The following PBLD variants were observed in gnomAD, a reference collection of about 807,000 sequenced individuals.
PBLD encodes phenazine biosynthesis-like domain-containing protein.
PBLD carries 26 observed loss-of-function variants against 31.3 expected under a neutral mutation model. The ratio of observed to expected loss-of-function variants is 0.83; its 90% confidence interval spans 0.61 to 1.15. PBLD has a LOEUF of 1.15. Ranked by LOEUF, PBLD falls within the 50% of genes most tolerant of loss-of-function variation. PBLD has a pLI of 0.00. For missense variants in PBLD, 307 were observed against 351.7 expected, an observed-to-expected ratio of 0.87 and a Z score of 1.02; for synonymous variants, 114 against 129.0, an observed-to-expected ratio of 0.88 and a Z score of 0.79.
In PBLD at chr10:68,296,950, C is replaced by T; in HGVS notation, c.120G>A (p.Arg40=). ...AAGCAGTTTCAGAGAGGTTCATCTC[C>T]CTTGCAATTTTCTGATGCATGTCTT... The part of the protein sequence containing the change: ...LDEDMHQKIA[R]EMNLSETAFI... Residue 40 remains arginine, a synonymous_variant, in exon 3 of 10, where the codon AGG becomes AGA. Coordinates refer to ENST00000358769, the MANE Select transcript of PBLD (RefSeq NM_022129.4). 1.2e-6 allele frequency: 2 copies of T among 1,613,916 alleles called. No individual in the cohort carries two copies. Among genetic ancestry groups the T allele is most frequent in the Admixed American group, 1.7e-5 (1 of 60,010 alleles).
rs1026726653 is a variant in PBLD at position 68,312,129 on chromosome 10, G to A, written c.-59-5226C>T. 3.3e-5 allele frequency among the ~76,000 whole-genome samples: 5 copies of A among 152,266 alleles called. No homozygotes were observed. In the South Asian group the frequency reaches 1.0e-3, roughly 32 times the overall value. On this transcript the variant is annotated intron_variant, in intron 1 of 9. Coordinates refer to ENST00000358769, the MANE Select transcript of PBLD (RefSeq NM_022129.4). ...ACAGTTAGGTTGATTCCACATCTTG[G>A]CTATTGTGAATATTGCTGCAATAAA...
chr10:68,292,170 C>CG lies in PBLD; in HGVS notation c.351_352insC (p.Gly118ArgfsTer18). On this transcript the variant is annotated frameshift_variant, in exon 5 of 10. Coordinates refer to ENST00000358769, the MANE Select transcript of PBLD (RefSeq NM_022129.4). LOFTEE classifies it high-confidence loss of function. ...TAAAGAGGCAAGTCCAGGACGATGC[C>CG]ATCCTCTGCTCGTCTGGCCCTTAGT... The CG allele has an allele frequency of 6.2e-7, 1 of 1,613,912 alleles. No individual in the cohort carries two copies. Among genetic ancestry groups the CG allele is most frequent in the Non-Finnish European group, 8.5e-7 (1 of 1,180,014 alleles).
intron 1 of PBLD, among the ~76,000 whole-genome samples, chr10:68,318,097 G>A (rs1050673130): frequency 6.6e-6 from 1 of 151,744 alleles, no homozygotes; most frequent in Non-Finnish European, 1.5e-5. Flanking sequence ...CGTGGTGGCA[G>A]GCACTTGTAG....
At chr10:68,300,489 G>A (rs1271308020) in intron 2 of PBLD, among the ~76,000 whole-genome samples, 3 of 152,142 alleles carry the variant, frequency 2.0e-5, no homozygotes, top group Admixed American at 6.5e-5. Context: ...CCAGGAGCAC[G>A]GCAACACAAC....
Position 68,296,888 on chromosome 10 carries a change from T to G in PBLD, c.182A>C (p.Gln61Pro), listed in dbSNP as rs1250282714. ...AAAAAAAAAAAATGCATATTTACTT[T>G]GTGCAAAGTTGTCTGTCGGGTGCAG... The part of the protein sequence containing the change: ...RKLHPTDNFA[Q>P]SSCFGLRWFT... The change falls in exon 3 of 10, where the codon CAA becomes CCA. Residue 61 changes from glutamine to proline, a missense_variant and splice_region_variant. By Grantham distance (76) the Gln-to-Pro change is moderately conservative. Transcript: ENST00000358769. The G allele has an allele frequency of 6.2e-7, 1 of 1,610,176 alleles. No individual in the cohort carries two copies. Among genetic ancestry groups the G allele is most frequent in the African/African-American group, 1.3e-5 (1 of 74,830 alleles).
chr10:68,301,143 A>T (rs2044500765), intron 2 of PBLD, among the ~76,000 whole-genome samples: 1 of 152,070 alleles, frequency 6.6e-6, no homozygotes, highest in South Asian at 2.1e-4. Flanking sequence ...TGATCCACCC[A>T]CCTCGGCCTC....
At chr10:68,309,848 T>C (rs11599657) in intron 1 of PBLD, among the ~76,000 whole-genome samples, 49,292 of 146,654 alleles carry the variant, frequency 0.34, 10,573 homozygotes, top group Non-Finnish European at 0.44. Flanking sequence ...AAAATATAAA[T>C]ATGTAGGCCA....
intron 6 of PBLD, 21 bp from the exon 7 acceptor site, chr10:68,289,040 C>T: frequency 1.9e-6 from 3 of 1,594,836 alleles, no homozygotes; most frequent in Non-Finnish European, 2.6e-6. Flanking sequence ...AGACCAAAAA[C>T]TCCTCAGGGA....
intron 2 of PBLD, among the ~76,000 whole-genome samples, chr10:68,302,866 T>TA (rs1564730594): frequency 1.2e-3 from 77 of 66,172 alleles, no homozygotes; most frequent in African/African-American, 2.0e-3. Flanking sequence ...AAATTAGAAT[T>TA]TAAAAAAAAA....
At chr10:68,317,982 C>T (rs2044757725) in intron 1 of PBLD, among the ~76,000 whole-genome samples, 2 of 152,138 alleles carry the variant, frequency 1.3e-5, no homozygotes, top group South Asian at 4.1e-4. Context: ...AATCCCAGCA[C>T]TTTGGGTGGC....
intron 1 of PBLD, among the ~76,000 whole-genome samples, chr10:68,330,609 G>C (rs1293708888): frequency 6.6e-6 from 1 of 151,024 alleles, no homozygotes; most frequent in South Asian, 2.1e-4. Flanking sequence ...GCGGTGGCGC[G>C]ATCTGGGCTC....
At chr10:68,317,037 C>A (rs1436976714) in intron 1 of PBLD, among the ~76,000 whole-genome samples, 1 of 152,042 alleles carries the variant, frequency 6.6e-6, no homozygotes, top group Non-Finnish European at 1.5e-5. Context: ...ACAACAGAAT[C>A]TTGAAACCAG....
intron 1 of PBLD, among the ~76,000 whole-genome samples, chr10:68,320,075 G>A (rs1416182270): frequency 2.0e-5 from 3 of 152,028 alleles, no homozygotes; most frequent in Non-Finnish European, 2.9e-5. Flanking sequence ...TGCCCGTCTC[G>A]GCCTCCCAAA....
chr10:68,297,398 C>T (rs569741714), intron 2 of PBLD, among the ~76,000 whole-genome samples: 29 of 152,326 alleles, frequency 1.9e-4, no homozygotes, highest in Admixed American at 1.8e-3. Context: ...CCTGTCTTTG[C>T]ATGGTTCACT....
intron 1 of PBLD, among the ~76,000 whole-genome samples, chr10:68,322,389 G>A (rs370948626): frequency 4.6e-5 from 7 of 151,822 alleles, no homozygotes; most frequent in East Asian, 1.9e-4. Context: ...AGCTAGGCAC[G>A]GTGGCTCACA....
intron 8 of PBLD, 143 bp from the exon 9 acceptor site, chr10:68,285,553 G>C (rs954182873): frequency 8.3e-7 from 1 of 1,202,030 alleles, no homozygotes; most frequent in Non-Finnish European, 1.1e-6. Flanking sequence ...GGCCACAGCA[G>C]GGTGTAGAAT....
chr10:68,299,584 G>A (rs7902936), intron 2 of PBLD, among the ~76,000 whole-genome samples: 119,640 of 151,938 alleles, frequency 0.79, 47,745 homozygotes, highest in Non-Finnish European at 0.86. Context: ...GGCCAGGTGT[G>A]GCAGCTTATG....
At chr10:68,307,872 A>G (rs977353696) in intron 1 of PBLD, among the ~76,000 whole-genome samples, 2 of 152,222 alleles carry the variant, frequency 1.3e-5, no homozygotes, top group African/African-American at 4.8e-5. Flanking sequence ...CTCCCAATGA[A>G]TATTATTACT....
intron 1 of PBLD, among the ~76,000 whole-genome samples, chr10:68,330,685 A>G (rs1225916468): frequency 1.3e-5 from 2 of 150,978 alleles, no homozygotes; most frequent in Non-Finnish European, 2.9e-5. Flanking sequence ...AGCTGAGACT[A>G]CAGGGGCCCG....
Sources: allele counts gnomAD v4.1 joint callset (sites outside exome capture counted in the v4.1 genomes callset), GRCh38; gene constraint gnomAD v4.1.1; transcripts MANE v1.5; gene names NCBI Gene and HGNC (gene_info 2026-07-23, HGNC 2026-07-21).